PAN2: variants seen among roughly 807,000 people sequenced by gnomAD.
PAN2 encodes the protein PAN2-PAN3 deadenylation complex catalytic subunit PAN2.
PAN2 carries 68 observed loss-of-function variants against 133.3 expected under a neutral mutation model. That is an observed-to-expected ratio of 0.51 (90% confidence interval 0.42 to 0.62). The LOEUF (loss-of-function observed/expected upper bound fraction) is 0.62. PAN2 is among the 20% of genes least tolerant of loss of function. The pLI, the probability that PAN2 is intolerant of heterozygous loss-of-function variation, is 0.00. For synonymous variants in PAN2, 462 were observed against 544.6 expected (o/e 0.85, Z 2.11); for missense variants, 1,042 against 1,500.5 (o/e 0.69, Z 5.05).
intron 1 of PAN2, 134 bp downstream of exon 1, chr12:56,333,728 G>A (rs1240076569): frequency 6.6e-6 from 1 of 152,614 alleles, no homozygotes; most frequent in Non-Finnish European, 1.5e-5. Context: ...TGACGGAAAC[G>A]GCTAGTTACC....
chr12:56,321,724 G>A (rs530154305), intron 20 of PAN2, among the ~76,000 whole-genome samples: 16 of 151,224 alleles, frequency 1.1e-4, no homozygotes, highest in Admixed American at 2.6e-4. Context: ...GGTGGTGGGC[G>A]TCTGTAATCC....
At chr12:56,328,383 G>A in intron 3 of PAN2, 25 bp from the exon 4 acceptor site, 1 of 1,593,338 alleles carries the variant, frequency 6.3e-7, no homozygotes, top group Non-Finnish European at 8.6e-7. Context: ...AAAGGCTAAG[G>A]GGCCCAGGCC....
In PAN2 at chr12:56,322,172, T is replaced by A. The variant is rs189035565; in HGVS notation, c.2698-4A>T. 1.9e-6 allele frequency: 3 copies of A among 1,579,526 alleles called. No individual in the cohort carries two copies. The African/African-American group carries it at 4.0e-5, about 21-fold the overall frequency. On this transcript the variant is annotated splice_polypyrimidine_tract_variant and splice_region_variant and intron_variant, in intron 19 of 25. Coordinates refer to ENST00000440411, the MANE Select transcript of PAN2 (RefSeq NM_014871.6). ...TGTCAAACTGCACAGCTTCATGCTA[T>A]AGAAGAGAAAAAGCACTTATGGCTA...
rs944153853 is a variant in PAN2 at position 56,320,155 on chromosome 12, T to G, written c.2789-134A>C. 1.6e-5 allele frequency: 12 copies of G among 767,226 alleles called. No individual in the cohort carries two copies. The African/African-American group carries it at 1.7e-4, about 11-fold the overall frequency. The allele number at this position is 767,226 out of a possible 1,614,324, so 47.5% of individuals were successfully genotyped here. On this transcript the variant is annotated intron_variant, in intron 20 of 25. Coordinates refer to ENST00000440411, the MANE Select transcript of PAN2 (RefSeq NM_014871.6). The stretch of plus-strand genomic sequence containing the variant: ...TAATCAAAGCACGTGAGAAAAAAGA[T>G]CATGTCTGATAAATGGGACAGGTAG...
chr12:56,332,774 C>T, intron 2 of PAN2, 39 bp downstream of exon 2: 2 of 1,597,576 alleles, frequency 1.3e-6, no homozygotes, highest in African/African-American at 1.3e-5. Context: ...TAAAGACCTT[C>T]AACATCTTTC....
chr12:56,327,699 C>T, intron 5 of PAN2, 68 bp from the exon 6 acceptor site: 1 of 1,534,520 alleles, frequency 6.5e-7, no homozygotes, highest in Non-Finnish European at 8.9e-7. Flanking sequence ...CCTACCTAAC[C>T]CAGTGGGGTC....
chr12:56,333,085 C>CA lies in PAN2; in HGVS notation c.9dup (p.Glu4Ter). 1 of 1,613,404 alleles carries CA rather than the reference C, an allele frequency of 6.2e-7. No individual in the cohort carries two copies. The highest frequency in any genetic ancestry group is 8.5e-7 in the Non-Finnish European group (1 of 1,179,504). On this transcript the variant is annotated frameshift_variant, in exon 2 of 26. Transcript: ENST00000440411. LOFTEE classifies it high-confidence loss of function. ...TCTGCCAGTCCAGGGTCCAGACCCT[C>CA]AAAGTTCATGATGACGATGGCAGCT...
chr12:56,325,581 C>T lies in PAN2; in HGVS notation c.1360-127G>A, dbSNP rs529776373. 723 of 988,750 alleles carry T rather than the reference C, an allele frequency of 7.3e-4. 10 individuals carry two copies. The South Asian group carries it at 0.01, about 14-fold the overall frequency. 61.2% of individuals were successfully genotyped at this position (988,750 alleles called of 1,614,324 possible). A position where few individuals can be genotyped will look rare whatever the true frequency, so the allele number is the denominator to read the frequency against. ...CTATATTCATAGCACTCTCAGCATCCGCTGCTTCCTTTCTATTTCCACTGC... is the reference window on the plus strand; with the variant it reads ...CTATATTCATAGCACTCTCAGCATCTGCTGCTTCCTTTCTATTTCCACTGC... On this transcript the variant is annotated intron_variant, in intron 8 of 25. Transcript: ENST00000440411.
Position 56,325,120 on chromosome 12 carries a change from G to A in PAN2, c.1488C>T (p.Ile496=). 1 of 1,613,896 alleles carries A rather than the reference G, an allele frequency of 6.2e-7. No homozygotes were observed. The change falls in exon 10 of 26, where the codon ATC becomes ATT. Residue 496 remains isoleucine, a synonymous_variant. Coordinates refer to ENST00000440411, the MANE Select transcript of PAN2 (RefSeq NM_014871.6). ...MVSKKYRKVT[I]KYSKLGLEDF... ...CCTCCAGCCCTAGCTTGGAATATTT[G>A]ATGGTCACCTAAGGTAGAAATTGTC...
chr12:56,320,077 AG>A, intron 20 of PAN2, 56 bp from the exon 21 acceptor site: 1 of 1,560,556 alleles, frequency 6.4e-7, no homozygotes, highest in Admixed American at 1.7e-5. Flanking sequence ...ACTAGGGGAG[AG>A]AAGCCCAGTG....
rs1875366147 is a variant in PAN2 at position 56,328,456 on chromosome 12, C to G, written c.452+16G>C. ...AGGCATCCTCGTTCCTAGTCCAGAG[C>G]TGAGAAGCCACTTACAGGTAATCAA... is the stretch of plus-strand genomic sequence containing the variant. On this transcript the variant is annotated intron_variant, in intron 3 of 25. Transcript: ENST00000440411. The G allele has an allele frequency of 6.2e-7, 1 of 1,613,484 alleles. No individual in the cohort carries two copies. The highest frequency in any genetic ancestry group is 1.3e-5 in the African/African-American group (1 of 75,004).
chr12:56,324,931 G>C, intron 10 of PAN2, 78 bp downstream of exon 10: 1 of 1,545,176 alleles, frequency 6.5e-7, no homozygotes, highest in Admixed American at 1.9e-5. Context: ...AGGAGACCTG[G>C]AAAGAGCAGG....
chr12:56,322,486 T>G lies in PAN2; in HGVS notation c.2638-4A>C, dbSNP rs760019626. 3.7e-6 allele frequency: 6 copies of G among 1,613,612 alleles called. No homozygotes were observed. The African/African-American group carries it at 8.0e-5, about 22-fold the overall frequency. ...ACCACTGCTGGTGAGTAACGCCCTA[T>G]GGAAATACAAAGAAAGCCTGTGGCG... On this transcript the variant is annotated splice_polypyrimidine_tract_variant and splice_region_variant and intron_variant, in intron 18 of 25. Transcript: ENST00000440411.
chr12:56,323,045 C>T lies in PAN2; in HGVS notation c.2493+17G>A, dbSNP rs1195661223. Reference sequence around the variant, plus strand: ...TCTCTCCCTTATTCCCTTTCCTCTTCCCGGTTTTTCAACAACCTGCATCTC... The same window carrying T: ...TCTCTCCCTTATTCCCTTTCCTCTTTCCGGTTTTTCAACAACCTGCATCTC... On this transcript the variant is annotated intron_variant, in intron 17 of 25. Transcript: ENST00000440411. 1 of 1,613,698 alleles carries T rather than the reference C, an allele frequency of 6.2e-7. No individual in the cohort carries two copies. The highest frequency in any genetic ancestry group is 8.5e-7 in the Non-Finnish European group (1 of 1,179,994).
At position 56,328,261 on chromosome 12, in the gene PAN2, T is replaced by C; in HGVS notation, c.550A>G (p.Asn184Asp). The C allele has an allele frequency of 1.2e-6, 2 of 1,604,808 alleles. No homozygotes were observed. The highest frequency in any genetic ancestry group is 2.2e-5 in the South Asian group (2 of 89,774). Reference protein sequence around the residue: ...LQNHIIEIDLNTVQETQKYAV... With the variant: ...LQNHIIEIDLDTVQETQKYAV... ...ACCTTCTGAGTCTCCTGGACAGTGT[T>C]AAGATCAATCTCTATTATGTGATTC... Residue 184 changes from asparagine (N) to aspartate (D), a missense_variant, in exon 4 of 26, where the codon AAC becomes GAC. Physicochemically the swap from Asn to Asp is conservative, Grantham distance 23. Around this residue, in one of 3 missense-constraint regions of PAN2, gnomAD observed 908 missense variants for 1,223.5 expected, o/e 0.74. Coordinates refer to ENST00000440411, the MANE Select transcript of PAN2 (RefSeq NM_014871.6).
intron 8 of PAN2, 93 bp from the exon 9 acceptor site, chr12:56,325,547 C>T: frequency 7.4e-7 from 1 of 1,358,762 alleles, no homozygotes; most frequent in Non-Finnish European, 1.0e-6. Context: ...CCACCAAGTC[C>T]TGAACCTTCT....
In PAN2 at chr12:56,333,105, G is replaced by A. The variant is rs1254544274; in HGVS notation, c.-11C>T. The A allele has an allele frequency of 1.9e-6, 3 of 1,612,190 alleles. No homozygotes were observed. Among genetic ancestry groups the A allele is most frequent in the African/African-American group, 2.7e-5 (2 of 74,876 alleles). On this transcript the variant is annotated 5_prime_UTR_variant, in exon 2 of 26. Transcript: ENST00000440411. ...ACCCTCAAAGTTCATGATGACGATGGCAGCTTACACCTGTGTCACACCCTC... is the reference window on the plus strand; with the variant it reads ...ACCCTCAAAGTTCATGATGACGATGACAGCTTACACCTGTGTCACACCCTC...
chr12:56,331,704 T>TG (rs1367984839), intron 2 of PAN2, among the ~76,000 whole-genome samples: 1 of 129,318 alleles, frequency 7.7e-6, no homozygotes, highest in Non-Finnish European at 1.9e-5. Flanking sequence ...GACAGCGTTT[T>TG]TTTTTTTTTT....
In PAN2 at chr12:56,323,101, C is replaced by A. The variant is rs1874743835; in HGVS notation, c.2454G>T (p.Gly818=). ...SIRMKMTKNK[G]LDVCNWTDGD... is the part of the protein sequence containing the mutation. ...CATCAGTCCAATTGCAAACATCCAG[C>A]CCTTTGTTTTTGGTCATCTTCATGC... Residue 818 remains glycine, a synonymous_variant, in exon 17 of 26, where the codon GGG becomes GGT. Coordinates refer to ENST00000440411, the MANE Select transcript of PAN2 (RefSeq NM_014871.6). 1 of 1,614,048 alleles carries A rather than the reference C, an allele frequency of 6.2e-7. No homozygotes were observed. Among genetic ancestry groups the A allele is most frequent in the Admixed American group, 1.7e-5 (1 of 59,992 alleles).
Sources: gnomAD v4.1 joint callset for allele counts (sites outside exome capture counted in the v4.1 genomes callset) on GRCh38, gnomAD v4.1.1 for gene constraint, gnomAD v4.1.1 regional missense constraint, MANE v1.5 for transcripts, NCBI Gene and HGNC (gene_info 2026-07-23, HGNC 2026-07-21) for gene names.